GDA: variants seen among roughly 807,000 people sequenced by gnomAD.
GDA encodes the protein cytoplasmic PSD-95 interactor.
Under a neutral mutation model 59.6 loss-of-function variants are expected in GDA, and 18 were observed. The observed-to-expected ratio is 0.30, with a 90% CI of 0.21 to 0.45. GDA has a LOEUF of 0.45. Ranked by LOEUF, GDA falls within the 20% of genes least tolerant of loss-of-function variation. The probability of loss-of-function intolerance (pLI) is 1.00; values close to 1 mark genes in which losing one functional copy is unlikely to be tolerated. For synonymous variants in GDA, 201 were observed against 201.1 expected (o/e 1.00, Z 0.00); for missense variants, 427 against 552.3 (o/e 0.77, Z 2.27).
At chr9:72,159,055 G>C (rs900796140) in intron 1 of GDA, among the ~76,000 whole-genome samples, 1 of 152,192 alleles carries the variant, frequency 6.6e-6, no homozygotes, top group Non-Finnish European at 1.5e-5. Flanking sequence ...CTGTCATGGA[G>C]AGGGCCAAAA....
intron 1 of GDA, among the ~76,000 whole-genome samples, chr9:72,126,938 T>C (rs1825869023): frequency 6.6e-6 from 1 of 152,080 alleles, no homozygotes; most frequent in African/African-American, 2.4e-5. Flanking sequence ...GAGTATCTGG[T>C]GCCATCCTTG....
intron 1 of GDA, among the ~76,000 whole-genome samples, chr9:72,165,552 T>C (rs1829191807): frequency 6.6e-6 from 1 of 152,098 alleles, no homozygotes; most frequent in African/African-American, 2.4e-5. Flanking sequence ...ATGCGGTTGG[T>C]ATGTGAGGTA....
At chr9:72,225,149 C>T (rs1264342686) in intron 7 of GDA, among the ~76,000 whole-genome samples, 2 of 152,132 alleles carry the variant, frequency 1.3e-5, no homozygotes, top group Non-Finnish European at 2.9e-5. Flanking sequence ...GGCATGGTGA[C>T]ACATGCCTGT....
At chr9:72,213,346 G>A (rs887283174) in intron 4 of GDA, among the ~76,000 whole-genome samples, 1 of 152,130 alleles carries the variant, frequency 6.6e-6, no homozygotes, top group Non-Finnish European at 1.5e-5. Context: ...GAGGTAGTGG[G>A]TTAAAGTGAT....
chr9:72,235,690 C>A (rs75152530), intron 10 of GDA, among the ~76,000 whole-genome samples: 34 of 142,218 alleles, frequency 2.4e-4, no homozygotes, highest in Admixed American at 1.4e-4. Flanking sequence ...GAGAGAGACT[C>A]AAAAAAAAAA....
intron 1 of GDA, among the ~76,000 whole-genome samples, chr9:72,158,977 A>G (rs1181706113): frequency 6.6e-6 from 1 of 152,260 alleles, no homozygotes; most frequent in Admixed American, 6.5e-5. Context: ...TAAGTGGCAA[A>G]GGCAAGACTC....
chr9:72,247,523 T>C, intron 13 of GDA, 90 bp downstream of exon 13: 1 of 718,094 alleles, frequency 1.4e-6, no homozygotes, highest in South Asian at 1.7e-5. Context: ...TATCCTACCA[T>C]ATATTAAACT....
intron 3 of GDA, among the ~76,000 whole-genome samples, chr9:72,204,561 A>C (rs192157789): frequency 6.6e-6 from 1 of 152,222 alleles, no homozygotes. Flanking sequence ...TGATTAAAAA[A>C]CACATTTGTT....
Position 72,223,109 on chromosome 9 carries a change from A to T in GDA, c.607-11A>T. On this transcript the variant is annotated splice_polypyrimidine_tract_variant and intron_variant, in intron 6 of 13. Transcript: ENST00000358399. The stretch of plus-strand genomic sequence containing the variant: ...AAGGAAGAGGTATCAATTGTTTTTA[A>T]TTATCTCCAGTATTCTAGAGTGAAG... The T allele has an allele frequency of 2.2e-6, 3 of 1,364,678 alleles. No individual in the cohort carries two copies. In the South Asian group the frequency reaches 3.6e-5, roughly 16 times the overall value. The allele number at this position is 1,364,678 out of a possible 1,614,324, so 84.5% of individuals were successfully genotyped here. A position where few individuals can be genotyped will look rare whatever the true frequency, so the allele number is the denominator to read the frequency against.
chr9:72,127,378 C>A (rs1825881645), intron 1 of GDA, among the ~76,000 whole-genome samples: 1 of 152,018 alleles, frequency 6.6e-6, no homozygotes, highest in Admixed American at 6.6e-5. Flanking sequence ...GTGGCTCACA[C>A]CTGTAATCCC....
At chr9:72,179,265 C>G (rs1002480563) in intron 1 of GDA, among the ~76,000 whole-genome samples, 1 of 152,170 alleles carries the variant, frequency 6.6e-6, no homozygotes, top group Non-Finnish European at 1.5e-5. Context: ...AAATGCCACT[C>G]TGGTTACCCT....
chr9:72,137,526 G>A (rs1044335871), intron 1 of GDA, among the ~76,000 whole-genome samples: 1 of 151,916 alleles, frequency 6.6e-6, no homozygotes, highest in African/African-American at 2.4e-5. Context: ...GATTACAAGC[G>A]TGAGCCACCG....
chr9:72,121,732 C>G (rs1224992551), intron 1 of GDA, among the ~76,000 whole-genome samples: 1 of 152,240 alleles, frequency 6.6e-6, no homozygotes, highest in East Asian at 1.9e-4. Flanking sequence ...CTTGTATACA[C>G]TTGCTATCTC....
intron 1 of GDA, among the ~76,000 whole-genome samples, chr9:72,153,049 T>A (rs1827423419): frequency 6.6e-6 from 1 of 152,178 alleles, no homozygotes; most frequent in South Asian, 2.1e-4. Context: ...AAATAGGGAA[T>A]CCTTTCCCCA....
chr9:72,199,415 C>A (rs750381021), intron 2 of GDA, among the ~76,000 whole-genome samples: 1 of 152,186 alleles, frequency 6.6e-6, no homozygotes, highest in Admixed American at 6.5e-5. Flanking sequence ...TAAATCCTTG[C>A]GCTTCTGTTG....
At chr9:72,187,027 T>C (rs772988794) in intron 1 of GDA, among the ~76,000 whole-genome samples, 12 of 152,236 alleles carry the variant, frequency 7.9e-5, no homozygotes, top group Non-Finnish European at 1.5e-4. Flanking sequence ...CTATTTTTCA[T>C]ACTTTGCATT....
intron 10 of GDA, among the ~76,000 whole-genome samples, chr9:72,240,521 A>G (rs1329499227): frequency 6.6e-6 from 1 of 152,152 alleles, no homozygotes; most frequent in East Asian, 1.9e-4. Context: ...TCCCTAAAAG[A>G]TGTCTATCAG....
chr9:72,123,024 A>G (rs1161499065), intron 1 of GDA, among the ~76,000 whole-genome samples: 2 of 152,096 alleles, frequency 1.3e-5, no homozygotes, highest in Non-Finnish European at 1.5e-5. Context: ...TTAAGAAGGC[A>G]CCTTCTCGAT....
At chr9:72,257,712 A>T (rs991397958), downstream of GDA, 3 of 153,502 alleles carry the variant, frequency 2.0e-5, no homozygotes, top group East Asian at 5.7e-4. Context: ...ACTTGAGCTC[A>T]TGAGTTCAAG....
Sources: gnomAD v4.1 joint callset for allele counts (sites outside exome capture counted in the v4.1 genomes callset) on GRCh38, gnomAD v4.1.1 for gene constraint, MANE v1.5 for transcripts, NCBI Gene and HGNC (gene_info 2026-07-23, HGNC 2026-07-21) for gene names.